TAB2: variants seen among roughly 807,000 people sequenced by gnomAD.
The protein encoded by TAB2 is TGF-beta-activated kinase 1 and MAP3K7-binding protein 2.
A neutral mutation model predicts 65.0 loss-of-function variants in TAB2; 3 were observed. That is an observed-to-expected ratio of 0.05 (90% confidence interval 0.02 to 0.12). The LOEUF (loss-of-function observed/expected upper bound fraction) is 0.12. Ranked by LOEUF, TAB2 falls within the 10% of genes least tolerant of loss-of-function variation. TAB2 has a pLI of 1.00. For synonymous variants in TAB2, 298 were observed against 285.1 expected, an observed-to-expected ratio of 1.05 and a Z score of -0.46; for missense variants, 623 against 840.3, an observed-to-expected ratio of 0.74 and a Z score of 3.20.
intron 1 of TAB2, among the ~76,000 whole-genome samples, chr6:149,333,413 A>G (rs1018602026): frequency 6.6e-6 from 1 of 152,128 alleles, no homozygotes; most frequent in Non-Finnish European, 1.5e-5. Context: ...CACATTGCAA[A>G]TAGTAGGCTA....
At chr6:149,361,426 C>T (rs1479729759) in intron 1 of TAB2, among the ~76,000 whole-genome samples, 1 of 152,246 alleles carries the variant, frequency 6.6e-6, no homozygotes, top group Non-Finnish European at 1.5e-5. Flanking sequence ...CCCTTTGAGC[C>T]ATAGCTGGAG....
In TAB2 at chr6:149,344,572, G is replaced by A. The variant is rs1780234100; in HGVS notation, c.-89-25337G>A. On this transcript the variant is annotated intron_variant, in intron 1 of 6. Coordinates refer to ENST00000637181, the MANE Select transcript of TAB2 (RefSeq NM_001292034.3). The stretch of plus-strand genomic sequence containing the variant: ...GCATAGAGAATAGTTGGATAGGGAG[G>A]GGTGTGATGGGAGATGGAGCTATGT... Among the ~76,000 whole-genome samples the A allele has an allele frequency of 2.0e-5, 3 of 152,260 alleles. No individual in the cohort carries two copies. The South Asian group carries it at 6.2e-4, about 32-fold the overall frequency.
At chr6:149,274,675 G>C (rs929773811) in intron 1 of TAB2, among the ~76,000 whole-genome samples, 1 of 152,136 alleles carries the variant, frequency 6.6e-6, no homozygotes. Flanking sequence ...TAATGATTTG[G>C]GCCTTCATTG....
At chr6:149,306,726 T>C (rs1444609159) in intron 1 of TAB2, among the ~76,000 whole-genome samples, 2 of 152,110 alleles carry the variant, frequency 1.3e-5, no homozygotes, top group African/African-American at 4.8e-5. Flanking sequence ...AACTCCAGCC[T>C]GGGCGACAGA....
chr6:149,265,432 A>G (rs1028820748), intron 1 of TAB2, among the ~76,000 whole-genome samples: 2 of 152,138 alleles, frequency 1.3e-5, no homozygotes, highest in African/African-American at 4.8e-5. Flanking sequence ...GGCCTTTCTC[A>G]GCTTCCCACA....
At chr6:149,379,596 A>T in intron 3 of TAB2, 78 bp downstream of exon 3, 1 of 1,361,394 alleles carries the variant, frequency 7.3e-7, no homozygotes, top group Non-Finnish European at 1.1e-6. Flanking sequence ...ACAGAAATGG[A>T]TGTTAGCATT....
chr6:149,345,370 C>T (rs1312974487), intron 1 of TAB2, among the ~76,000 whole-genome samples: 1 of 152,078 alleles, frequency 6.6e-6, no homozygotes, highest in African/African-American at 2.4e-5. Flanking sequence ...CTGTAAACTG[C>T]ACATCCATAA....
intron 1 of TAB2, among the ~76,000 whole-genome samples, chr6:149,227,548 G>A (rs146910481): frequency 6.8e-4 from 103 of 152,186 alleles, no homozygotes; most frequent in African/African-American, 2.4e-3. Context: ...GGCACTTCAG[G>A]GCATGCCTTC....
In TAB2 at chr6:149,400,848, A is replaced by G. The variant is rs542424351; in HGVS notation, c.1939+1664A>G. 35 of 734,792 alleles carry G rather than the reference A, an allele frequency of 4.8e-5. No homozygotes were observed. In the African/African-American group the frequency reaches 4.8e-4, roughly 10 times the overall value. The allele number at this position is 734,792 out of a possible 1,614,324, so 45.5% of individuals were successfully genotyped here. A position where few individuals can be genotyped will look rare whatever the true frequency, so the allele number is the denominator to read the frequency against. ...ACATTCTTTTATTATACATGAAGTAACTGGTATGTGTACACAAGCATATTG... is the reference window on the plus strand; with the variant it reads ...ACATTCTTTTATTATACATGAAGTAGCTGGTATGTGTACACAAGCATATTG... On this transcript the variant is annotated intron_variant, in intron 6 of 6. Transcript: ENST00000637181.
At chr6:149,245,083 T>A (rs1777683416) in intron 1 of TAB2, 1 of 152,202 alleles carries the variant, frequency 6.6e-6, no homozygotes, top group Non-Finnish European at 1.5e-5. Context: ...ACCCAGGCAC[T>A]CAGTGACAGC....
intron 3 of TAB2, among the ~76,000 whole-genome samples, chr6:149,386,285 T>C (rs1354078228): frequency 6.6e-6 from 1 of 151,688 alleles, no homozygotes; most frequent in Non-Finnish European, 1.5e-5. Context: ...AGTCATTATT[T>C]TAACAGCTTT....
intron 1 of TAB2, among the ~76,000 whole-genome samples, chr6:149,254,827 G>A (rs1203739659): frequency 6.6e-6 from 1 of 152,180 alleles, no homozygotes; most frequent in Admixed American, 6.5e-5. Context: ...TCCAGGGACT[G>A]TACTATAGAA....
chr6:149,387,644 C>T (rs992683897), intron 3 of TAB2, among the ~76,000 whole-genome samples: 1 of 152,116 alleles, frequency 6.6e-6, no homozygotes, highest in Non-Finnish European at 1.5e-5. Flanking sequence ...TAGAAGTCAA[C>T]TGGAATTCTG....
intron 3 of TAB2, among the ~76,000 whole-genome samples, chr6:149,389,439 A>G (rs1372968153): frequency 6.6e-6 from 1 of 151,778 alleles, no homozygotes; most frequent in African/African-American, 2.4e-5. Context: ...TGAGGTTGGG[A>G]GTTCGAGACC....
At position 149,308,113 on chromosome 6, in the gene TAB2, C is replaced by G. The variant is rs73609089; in HGVS notation, c.-120-69905C>G. ...CAATGCACCATAATTTAACTCATTA[C>G]TTAGTAAGATGTATTACGGTTGTTT... On this transcript the variant is annotated intron_variant, in intron 1 of 1. Transcript: ENST00000606202. Among the ~76,000 whole-genome samples, 1,522 of 152,286 alleles carry G rather than the reference C, an allele frequency of 1.0e-2. 20 individuals are homozygous for G. The highest frequency in any genetic ancestry group is 0.035 in the African/African-American group (1,443 of 41,552).
chr6:149,379,465 T>A lies in TAB2; in HGVS notation c.1550T>A (p.Ile517Lys). ...CCTACATTAGCACATGTGGATAGAA[T>A]AAGTGAAACACGGAAACTGAGTATG... ...TDPTLAHVDRISETRKLSMGS... is the reference protein window; with the variant it reads ...TDPTLAHVDRKSETRKLSMGS... Residue 517 changes from isoleucine (I) to lysine (K), a missense_variant, in exon 3 of 7, where the codon ATA (isoleucine) becomes AAA (lysine). Physicochemically the swap from Ile to Lys is moderately radical, Grantham distance 102. Around this residue, in one of 3 missense-constraint regions of TAB2, gnomAD observed 550 missense variants for 665.7 expected, o/e 0.83. Coordinates refer to ENST00000637181, the MANE Select transcript of TAB2 (RefSeq NM_001292034.3). The A allele has an allele frequency of 6.2e-7, 1 of 1,614,138 alleles. No homozygotes were observed. The highest frequency in any genetic ancestry group is 8.5e-7 in the Non-Finnish European group (1 of 1,180,024).
chr6:149,403,369 C>T (rs750147452), intron 6 of TAB2, among the ~76,000 whole-genome samples: 341 of 127,166 alleles, frequency 2.7e-3, no homozygotes, highest in Non-Finnish European at 4.0e-3. Flanking sequence ...CACACACACA[C>T]ACACATACAC....
intron 1 of TAB2, among the ~76,000 whole-genome samples, chr6:149,358,025 T>G (rs1391236234): frequency 2.0e-5 from 3 of 152,180 alleles, no homozygotes; most frequent in Non-Finnish European, 4.4e-5. Context: ...TTTACATGAT[T>G]GTCTGTTTTC....
At chr6:149,357,857 G>A (rs1020492408) in intron 1 of TAB2, among the ~76,000 whole-genome samples, 3 of 151,844 alleles carry the variant, frequency 2.0e-5, no homozygotes, top group Non-Finnish European at 4.4e-5. Context: ...CCACCCCTAC[G>A]CCCGGCTGAT....
Sources: allele counts gnomAD v4.1 joint callset (sites outside exome capture counted in the v4.1 genomes callset), GRCh38; gene constraint gnomAD v4.1.1; regional missense constraint gnomAD v4.1.1; transcripts MANE v1.5; gene names NCBI Gene and HGNC (gene_info 2026-07-23, HGNC 2026-07-21).